PRKX: variants seen among roughly 807,000 people sequenced by gnomAD.
PRKX encodes the protein cAMP-dependent protein kinase catalytic subunit PRKX.
Under a neutral mutation model 22.0 loss-of-function variants are expected in PRKX, and 12 were observed. The ratio of observed to expected loss-of-function variants is 0.54; its 90% CI spans 0.35 to 0.88. PRKX has a LOEUF of 0.88. Ranked by LOEUF, PRKX falls within the 40% of genes least tolerant of loss-of-function variation. The pLI, the probability that PRKX is intolerant of heterozygous loss-of-function variation, is 0.01. For synonymous variants in PRKX, 134 were observed against 137.7 expected (o/e 0.97, Z 0.19); for missense variants, 217 against 308.0 (o/e 0.70, Z 2.21).
chrX:3,611,762 C>T (rs1405241026), intron 8 of PRKX, among the ~76,000 whole-genome samples: 1 of 111,725 alleles, frequency 9.0e-6, no homozygotes, highest in Non-Finnish European at 1.9e-5. Context: ...CATATTTCTT[C>T]TTCTTATTTT....
intron 2 of PRKX, 55 bp downstream of exon 2, chrX:3,674,543 G>A (rs377709421): frequency 8.6e-7 from 1 of 1,161,993 alleles, no homozygotes; most frequent in South Asian, 1.9e-5. Context: ...TATAAGAAGA[G>A]ACACACAGGG....
chrX:3,622,160 AAAC>A (rs1413130054), intron 5 of PRKX, among the ~76,000 whole-genome samples: 1 of 109,361 alleles, frequency 9.1e-6, no homozygotes, highest in Non-Finnish European at 1.9e-5. Context: ...AAACAAAAAC[AAAC>A]AACAACAACG....
At chrX:3,707,981 G>A (rs1324421783) in intron 1 of PRKX, among the ~76,000 whole-genome samples, 1 of 112,116 alleles carries the variant, frequency 8.9e-6, no homozygotes, top group Non-Finnish European at 1.9e-5. Flanking sequence ...GATGCCATTC[G>A]TCCCGGCAGC....
chrX:3,638,952 C>T (rs1317719666), intron 4 of PRKX, among the ~76,000 whole-genome samples: 1 of 99,371 alleles, frequency 1.0e-5, no homozygotes, highest in African/African-American at 3.8e-5. Context: ...GGTAGGTAGG[C>T]AGATAAAAAG....
At chrX:3,689,185 C>T (rs1928245303) in intron 1 of PRKX, among the ~76,000 whole-genome samples, 2 of 112,440 alleles carry the variant, frequency 1.8e-5, no homozygotes, top group Admixed American at 1.9e-4. Context: ...CATTTATCAT[C>T]CTCAAACTCA....
At chrX:3,636,908 G>A (rs1319573764) in intron 4 of PRKX, among the ~76,000 whole-genome samples, 1 of 107,907 alleles carries the variant, frequency 9.3e-6, no homozygotes, top group Admixed American at 1.0e-4. Flanking sequence ...CAGCCTGGGT[G>A]ACAGAGCGAG....
intron 2 of PRKX, among the ~76,000 whole-genome samples, chrX:3,664,475 C>A (rs767476069): frequency 1.8e-5 from 2 of 112,086 alleles, no homozygotes; most frequent in South Asian, 7.4e-4. Context: ...TGGGCTCAAG[C>A]GATCCTCCTG....
chrX:3,660,205 C>T (rs547647799), intron 2 of PRKX, among the ~76,000 whole-genome samples: 13 of 111,866 alleles, frequency 1.2e-4, no homozygotes, highest in African/African-American at 4.2e-4. Context: ...CAAATACTAT[C>T]GTACTAGTGA....
At chrX:3,659,735 T>G (rs369817689) in intron 2 of PRKX, among the ~76,000 whole-genome samples, 1 of 101,295 alleles carries the variant, frequency 9.9e-6, no homozygotes, top group Non-Finnish European at 2.0e-5. Context: ...TTTTGTTTTT[T>G]TTTTTTTTGA....
chrX:3,631,716 G>C (rs1451608113), intron 4 of PRKX, among the ~76,000 whole-genome samples: 5 of 107,505 alleles, frequency 4.7e-5, no homozygotes, highest in Admixed American at 2.0e-4. Context: ...AGGAGACAGA[G>C]ACATAGAGGA....
At chrX:3,676,000 C>T (rs1927946047) in intron 1 of PRKX, among the ~76,000 whole-genome samples, 1 of 111,334 alleles carries the variant, frequency 9.0e-6, no homozygotes, top group Non-Finnish European at 1.9e-5. Flanking sequence ...CTGCTTCGGC[C>T]TCCCAAAGTG....
intron 1 of PRKX, among the ~76,000 whole-genome samples, chrX:3,685,609 G>A (rs1035505540): frequency 2.7e-5 from 3 of 111,251 alleles, no homozygotes; most frequent in Non-Finnish European, 5.6e-5. Flanking sequence ...TGTCCCATGT[G>A]GCAGTGGTTA....
intron 1 of PRKX, among the ~76,000 whole-genome samples, chrX:3,689,411 T>A (rs1928252149): frequency 1.8e-5 from 2 of 112,437 alleles, no homozygotes; most frequent in Admixed American, 1.9e-4. Flanking sequence ...TTGCCAGGCA[T>A]GGTGGCTCGT....
chrX:3,605,673 G>GCAAA lies in PRKX; in HGVS notation c.*3292_*3295dup, dbSNP rs1252949538. On this transcript the variant is annotated 3_prime_UTR_variant, in exon 9 of 9. Coordinates refer to ENST00000262848, the MANE Select transcript of PRKX (RefSeq NM_005044.5). ...TTCTTGTTTTTGCTTTTTCTTCAAA[G>GCAAA]CAAACAAATGATTTGGTCTTTAAGT... 1 of 111,875 alleles carries GCAAA rather than the reference G, an allele frequency of 8.9e-6. No individual in the cohort carries two copies. The highest frequency in any genetic ancestry group is 1.9e-5 in the Non-Finnish European group (1 of 53,203). The allele number at this position is 111,875 out of a possible 1,213,427, so 9.2% of individuals were successfully genotyped here.
At chrX:3,645,604 A>C in intron 3 of PRKX, among the ~76,000 whole-genome samples, 1 of 112,356 alleles carries the variant, frequency 8.9e-6, no homozygotes. Context: ...CGACATGGTA[A>C]ATGCAATAAA....
intron 1 of PRKX, among the ~76,000 whole-genome samples, chrX:3,698,610 A>ACTGC (rs1928492653): frequency 9.0e-6 from 1 of 111,094 alleles, no homozygotes; most frequent in Admixed American, 9.6e-5. Context: ...ACAGGGTCTC[A>ACTGC]CTGCCGCTCA....
chrX:3,653,729 GATATATATA>G (rs1486110443), intron 3 of PRKX, among the ~76,000 whole-genome samples: 2 of 56,076 alleles, frequency 3.6e-5, no homozygotes, highest in African/African-American at 1.4e-4. Flanking sequence ...TATACTATGT[GATATATATA>G]ATATATATAA....
intron 7 of PRKX, among the ~76,000 whole-genome samples, chrX:3,613,343 CAAAG>C (rs749728035): frequency 9.2e-6 from 1 of 109,032 alleles, no homozygotes; most frequent in East Asian, 2.9e-4. Flanking sequence ...TTTATTAGCA[CAAAG>C]AAACTCTAGA....
chrX:3,689,310 T>C (rs1249808528), intron 1 of PRKX, among the ~76,000 whole-genome samples: 1 of 112,613 alleles, frequency 8.9e-6, no homozygotes, highest in African/African-American at 3.2e-5. Context: ...AGTCGATTTT[T>C]GGAATTACTG....
Sources: gnomAD v4.1 joint callset for allele counts (sites outside exome capture counted in the v4.1 genomes callset) on GRCh38, gnomAD v4.1.1 for gene constraint, MANE v1.5 for transcripts, NCBI Gene and HGNC (gene_info 2026-07-23, HGNC 2026-07-21) for gene names.